The following MYO1H variants were observed in gnomAD, a reference collection of about 807,000 sequenced individuals.
MYO1H encodes myosin IH, also known as unconventional myosin-Ih.
Under a neutral mutation model 149.3 loss-of-function variants are expected in MYO1H, and 118 were observed. The ratio of observed to expected loss-of-function variants is 0.79; its 90% confidence interval spans 0.68 to 0.92. The LOEUF (loss-of-function observed/expected upper bound fraction) is 0.92, where lower values mean the gene tolerates loss of function less well. MYO1H is among the 40% of genes least tolerant of loss of function. The probability of loss-of-function intolerance (pLI) is 0.00; values close to 1 mark genes in which losing one functional copy is unlikely to be tolerated. For missense variants in MYO1H, 1,212 were observed against 1,280.7 expected, an observed-to-expected ratio of 0.95 and a Z score of 0.82; for synonymous variants, 447 against 465.2, an observed-to-expected ratio of 0.96 and a Z score of 0.50.
intron 15 of MYO1H, among the ~76,000 whole-genome samples, chr12:109,416,130 T>C (rs1870897648): frequency 6.6e-6 from 1 of 151,758 alleles, no homozygotes; most frequent in South Asian, 2.1e-4. Context: ...TGTTTGTTTT[T>C]GCCATGTTGG....
intron 1 of MYO1H, among the ~76,000 whole-genome samples, chr12:109,366,782 G>A (rs1868874816): frequency 6.6e-6 from 1 of 152,188 alleles, no homozygotes; most frequent in African/African-American, 2.4e-5. Context: ...ATGGATGTGG[G>A]TTGAATCTCA....
the MYO1H span, among the ~76,000 whole-genome samples, chr12:109,318,401 G>A: frequency 1.3e-5 from 2 of 152,102 alleles, no homozygotes; most frequent in African/African-American, 4.8e-5. Flanking sequence ...GGCTGGTCTT[G>A]GTGATTGGCC....
At chr12:109,408,156 G>A (rs1045123931) in intron 10 of MYO1H, among the ~76,000 whole-genome samples, 1 of 152,066 alleles carries the variant, frequency 6.6e-6, no homozygotes, top group Non-Finnish European at 1.5e-5. Flanking sequence ...AGCTTCAAGT[G>A]TACACAGAAA....
intron 1 of MYO1H, among the ~76,000 whole-genome samples, chr12:109,373,006 T>C (rs1869020080): frequency 6.6e-6 from 1 of 152,134 alleles, no homozygotes; most frequent in Non-Finnish European, 1.5e-5. Context: ...TTTATCTCTT[T>C]AGTCAATATC....
At chr12:109,374,139 G>T (rs1217489953) in intron 1 of MYO1H, among the ~76,000 whole-genome samples, 3 of 152,178 alleles carry the variant, frequency 2.0e-5, no homozygotes, top group Non-Finnish European at 4.4e-5. Context: ...ATTCACTTCC[G>T]CAGTTGTACA....
At chr12:109,385,425 T>G (rs1869284659) in intron 1 of MYO1H, among the ~76,000 whole-genome samples, 1 of 151,084 alleles carries the variant, frequency 6.6e-6, no homozygotes, top group East Asian at 1.9e-4. Context: ...CATGAGCAGC[T>G]GGGACTACAG....
chr12:109,330,167 A>G, the MYO1H span, among the ~76,000 whole-genome samples: 1 of 152,150 alleles, frequency 6.6e-6, no homozygotes, highest in Non-Finnish European at 1.5e-5. Context: ...ACATTAGGGG[A>G]AACTGAGAGA....
chr12:109,351,389 TG>T (rs1033837197), intron 1 of MYO1H, among the ~76,000 whole-genome samples: 58 of 152,232 alleles, frequency 3.8e-4, no homozygotes, highest in African/African-American at 1.4e-3. Context: ...ATCAAAACCG[TG>T]GGGGGAAAAA....
chr12:109,349,658 CAA>C (rs398021025), intron 1 of MYO1H, among the ~76,000 whole-genome samples: 9,793 of 120,338 alleles, frequency 0.081, 369 homozygotes, highest in South Asian at 0.13. Flanking sequence ...AACCCTGTCT[CAA>C]AAAAAAAAAA....
chr12:109,349,669 A>AG (rs1288671746), intron 1 of MYO1H, among the ~76,000 whole-genome samples: 1 of 151,726 alleles, frequency 6.6e-6, no homozygotes, highest in Non-Finnish European at 1.5e-5. Flanking sequence ...AAAAAAAAAA[A>AG]AAAAAAAGAG....
intron 1 of MYO1H, among the ~76,000 whole-genome samples, chr12:109,371,371 C>A (rs754751662): frequency 1.3e-5 from 2 of 151,982 alleles, no homozygotes; most frequent in African/African-American, 4.8e-5. Context: ...TGTGTGCCAT[C>A]GCACCTGGCT....
chr12:109,433,679 A>G (rs540118005), intron 20 of MYO1H, among the ~76,000 whole-genome samples: 6 of 152,260 alleles, frequency 3.9e-5, no homozygotes, highest in East Asian at 1.9e-4. Flanking sequence ...CCACTTGTAC[A>G]TGGTCGTCTG....
At chr12:109,327,043 G>T in the MYO1H span, among the ~76,000 whole-genome samples, 1 of 151,924 alleles carries the variant, frequency 6.6e-6, no homozygotes, top group Non-Finnish European at 1.5e-5. Context: ...GGAGCAAGGA[G>T]GAGGAGGGAA....
At chr12:109,355,689 T>TGG (rs1868576468) in intron 1 of MYO1H, among the ~76,000 whole-genome samples, 5 of 151,814 alleles carry the variant, frequency 3.3e-5, no homozygotes, top group African/African-American at 1.2e-4. Context: ...TTGTTTTGTT[T>TGG]TGTTTGGTTT....
At chr12:109,358,174 A>G (rs1466412204) in intron 1 of MYO1H, among the ~76,000 whole-genome samples, 1 of 151,766 alleles carries the variant, frequency 6.6e-6, no homozygotes, top group Non-Finnish European at 1.5e-5. Flanking sequence ...ACGCATCATG[A>G]CAATTACCAG....
chr12:109,436,617 G>A, intron 22 of MYO1H, 61 bp downstream of exon 22: 3 of 1,194,724 alleles, frequency 2.5e-6, no homozygotes, highest in Non-Finnish European at 3.6e-6. Context: ...GCACCTGGGG[G>A]CACATTTGTG....
upstream of MYO1H, among the ~76,000 whole-genome samples, chr12:109,346,576 C>A (rs1211700679): frequency 1.6e-4 from 24 of 152,132 alleles, 2 homozygotes; most frequent in Admixed American, 1.6e-3. Flanking sequence ...GCCTGGTCAA[C>A]ATGGTGAAAC....
chr12:109,422,440 G>A (rs79877663), intron 16 of MYO1H, among the ~76,000 whole-genome samples: 10,224 of 152,226 alleles, frequency 0.067, 379 homozygotes, highest in South Asian at 0.11. Flanking sequence ...CAGGTTTCCC[G>A]TCAGCAAAGT....
At chr12:109,311,545 G>A in the MYO1H span, among the ~76,000 whole-genome samples, 1 of 152,206 alleles carries the variant, frequency 6.6e-6, no homozygotes, top group African/African-American at 2.4e-5. Context: ...CAAGGCTTAG[G>A]AATCTTTATT....
Sources: gnomAD v4.1 joint callset for allele counts (sites outside exome capture counted in the v4.1 genomes callset) on GRCh38, gnomAD v4.1.1 for gene constraint, MANE v1.5 for transcripts, NCBI Gene and HGNC (gene_info 2026-07-23, HGNC 2026-07-21) for gene names.